Variants in TNFRSF13B observed in about 807,000 individuals in gnomAD.
TNFRSF13B encodes tumor necrosis factor receptor superfamily member 13B.
In TNFRSF13B, 34 loss-of-function variants were observed where a neutral mutation model predicts 24.0. The observed-to-expected ratio is 1.41, with a 90% confidence interval of 1.08 to 1.88. The LOEUF (loss-of-function observed/expected upper bound fraction) is 1.88. Among genes scored for constraint, TNFRSF13B ranks in the 40% most tolerant of loss-of-function variants. TNFRSF13B has a pLI of 0.00. For missense variants in TNFRSF13B, 415 were observed against 380.8 expected (o/e 1.09, Z -0.75); for synonymous variants, 173 against 150.3 (o/e 1.15, Z -1.10).
rs753867822 is a variant in TNFRSF13B at position 16,940,386 on chromosome 17, C to G, written c.571G>C (p.Asp191His). The G allele has an allele frequency of 2.7e-5, 43 of 1,613,864 alleles. No homozygotes were observed. The highest frequency in any genetic ancestry group is 3.4e-5 in the Non-Finnish European group (40 of 1,180,024). Reference protein sequence around the residue: ...AVACFLKKRGDPCSCQPRSRP... With the variant: ...AVACFLKKRGHPCSCQPRSRP... Reference sequence around the variant, plus strand: ...GAGCGGGGCTGGCAGGAGCAGGGATCCCCCCTCTTCTTGAGGAAGCAGGCC... The same window carrying G: ...GAGCGGGGCTGGCAGGAGCAGGGATGCCCCCTCTTCTTGAGGAAGCAGGCC... The change falls in exon 4 of 5, where the codon GAT becomes CAT. Residue 191 changes from aspartate (D) to histidine (H), a missense_variant. Physicochemically the swap from Asp to His is moderately conservative, Grantham distance 81. Transcript: ENST00000261652.
chr17:16,954,676 G>A (rs1343908482), intron 1 of TNFRSF13B, among the ~76,000 whole-genome samples: 2 of 152,210 alleles, frequency 1.3e-5, no homozygotes, highest in African/African-American at 2.4e-5. Flanking sequence ...TCCAGATTTG[G>A]AGGCACCACG....
At chr17:16,953,452 G>A (rs953393890) in intron 1 of TNFRSF13B, among the ~76,000 whole-genome samples, 2 of 152,196 alleles carry the variant, frequency 1.3e-5, no homozygotes, top group African/African-American at 2.4e-5. Context: ...TGGAGATGTA[G>A]GACATTTCCT....
intron 1 of TNFRSF13B, among the ~76,000 whole-genome samples, chr17:16,967,329 AAAAAC>A (rs1437242605): frequency 1.3e-5 from 2 of 152,060 alleles, no homozygotes; most frequent in Non-Finnish European, 2.9e-5. Flanking sequence ...AAACAAAAAT[AAAAAC>A]AAAACAAGGT....
At chr17:16,955,808 A>T (rs1167054994) in intron 1 of TNFRSF13B, among the ~76,000 whole-genome samples, 1 of 152,240 alleles carries the variant, frequency 6.6e-6, no homozygotes, top group African/African-American at 2.4e-5. Flanking sequence ...GGAACTGTGG[A>T]GTTGTCCAGG....
At chr17:16,970,341 C>G (rs1007433320) in intron 1 of TNFRSF13B, among the ~76,000 whole-genome samples, 7 of 152,062 alleles carry the variant, frequency 4.6e-5, no homozygotes, top group Admixed American at 2.0e-4. Context: ...TGGAGACTCT[C>G]TCCTGCACCC....
At chr17:16,945,868 A>T (rs1181792431) in intron 3 of TNFRSF13B, among the ~76,000 whole-genome samples, 1 of 151,874 alleles carries the variant, frequency 6.6e-6, no homozygotes, top group Non-Finnish European at 1.5e-5. Context: ...ATCCGCTGGC[A>T]CTGTGAATGG....
At chr17:16,949,726 C>T (rs1567652582) in intron 2 of TNFRSF13B, among the ~76,000 whole-genome samples, 1 of 151,228 alleles carries the variant, frequency 6.6e-6, no homozygotes, top group African/African-American at 2.4e-5. Context: ...GCTCCTGTCA[C>T]CCAGGCTGGA....
chr17:16,952,723 G>T, intron 1 of TNFRSF13B, 140 bp from the exon 2 acceptor site: 1 of 1,360,550 alleles, frequency 7.3e-7, no homozygotes, highest in Non-Finnish European at 1.0e-6. Flanking sequence ...GGCAGACAAA[G>T]TTGGCTTCTA....
chr17:16,954,310 A>G (rs1272497966), intron 1 of TNFRSF13B, among the ~76,000 whole-genome samples: 2 of 152,176 alleles, frequency 1.3e-5, no homozygotes, highest in Non-Finnish European at 2.9e-5. Context: ...CTTGAGCCTG[A>G]GAGTTCAAGG....
In TNFRSF13B at chr17:16,950,599, A is replaced by G. The variant is rs1373150409; in HGVS notation, c.200-1616T>C. On this transcript the variant is annotated intron_variant, in intron 2 of 4. Transcript: ENST00000261652. ...GCCCCTGAACCGCACAGAAACTGACACCTCCACTCTGCATCACACAGGGTT... is the reference window on the plus strand; with the variant it reads ...GCCCCTGAACCGCACAGAAACTGACGCCTCCACTCTGCATCACACAGGGTT... Among the ~76,000 whole-genome samples the G allele has an allele frequency of 3.3e-5, 5 of 151,850 alleles. No homozygotes were observed. The East Asian group carries it at 9.7e-4, about 29-fold the overall frequency.
intron 1 of TNFRSF13B, among the ~76,000 whole-genome samples, chr17:16,958,691 TTAAA>T (rs2087641405): frequency 6.6e-6 from 1 of 151,908 alleles, no homozygotes; most frequent in Non-Finnish European, 1.5e-5. Context: ...AAAGCAGACT[TTAAA>T]TCACAAAAAA....
At chr17:16,953,774 C>CTT (rs34292412) in intron 1 of TNFRSF13B, among the ~76,000 whole-genome samples, 2 of 150,622 alleles carry the variant, frequency 1.3e-5, no homozygotes, top group South Asian at 2.1e-4. Context: ...TATGTTTGTT[C>CTT]TTTTTTTTTT....
chr17:16,948,918 A>C lies in TNFRSF13B; in HGVS notation c.265T>G (p.Cys89Gly). The C allele has an allele frequency of 6.2e-7, 1 of 1,614,248 alleles. No homozygotes were observed. Among genetic ancestry groups the C allele is most frequent in the Non-Finnish European group, 8.5e-7 (1 of 1,180,038 alleles). The change falls in exon 3 of 5, where the codon TGT (cysteine) becomes GGT (glycine). Residue 89 changes from cysteine (C) to glycine (G), a missense_variant. Coordinates refer to ENST00000261652, the MANE Select transcript of TNFRSF13B (RefSeq NM_012452.3). The stretch of plus-strand genomic sequence containing the variant: ...GGGTGCTGTCCACAGATGGAGGCAC[A>C]GCTGATGCAGTCCCTCAGGAGATGG... ...YDHLLRDCIS[C>G]ASICGQHPKQ...
chr17:16,970,758 C>T (rs6502543), intron 1 of TNFRSF13B, among the ~76,000 whole-genome samples: 70,985 of 152,050 alleles, frequency 0.47, 16,830 homozygotes, highest in Non-Finnish European at 0.49. Context: ...TGACTCGTGG[C>T]CCCAGAGCAC....
rs572754181 is a variant in TNFRSF13B at position 16,971,785 on chromosome 17, C to T, written c.61+230G>A. Among the ~76,000 whole-genome samples, 6 of 152,284 alleles carry T rather than the reference C, an allele frequency of 3.9e-5. No individual in the cohort carries two copies. The South Asian group carries it at 8.3e-4, about 21-fold the overall frequency. On this transcript the variant is annotated intron_variant, in intron 1 of 4. Coordinates refer to ENST00000261652, the MANE Select transcript of TNFRSF13B (RefSeq NM_012452.3). ...ACAAAGGGAATTCCTGCCGGTGTGGCCAACCCTGCAACCTCAGTGGCTTCT... is the reference window on the plus strand; with the variant it reads ...ACAAAGGGAATTCCTGCCGGTGTGGTCAACCCTGCAACCTCAGTGGCTTCT...
intron 1 of TNFRSF13B, among the ~76,000 whole-genome samples, chr17:16,957,955 G>C (rs1480346240): frequency 6.6e-6 from 1 of 152,068 alleles, no homozygotes; most frequent in Admixed American, 6.5e-5. Flanking sequence ...AACTATAAAA[G>C]CCAGAATTAT....
intron 3 of TNFRSF13B, among the ~76,000 whole-genome samples, chr17:16,945,817 C>T (rs2087543760): frequency 6.6e-6 from 1 of 152,218 alleles, no homozygotes; most frequent in Non-Finnish European, 1.5e-5. Flanking sequence ...CCCCAGCTTG[C>T]TCCTTCCACC....
chr17:16,962,275 G>T (rs964491187), intron 1 of TNFRSF13B, among the ~76,000 whole-genome samples: 96 of 152,284 alleles, frequency 6.3e-4, no homozygotes, highest in African/African-American at 2.3e-3. Context: ...GGGAGACCAA[G>T]GCAGGTGGAT....
Position 16,952,477 on chromosome 17 carries a change from A to T in TNFRSF13B, c.168T>A (p.His56Gln). The change falls in exon 2 of 5, where the codon CAT becomes CAA. Residue 56 changes from histidine (H) to glutamine (Q), a missense_variant. By Grantham distance (24) the His-to-Gln change is conservative. Coordinates refer to ENST00000261652, the MANE Select transcript of TNFRSF13B (RefSeq NM_012452.3). ...AGGCTGCACAGGTGCGCTGGCTCTG[A>T]TGGTTGCAAATGGTTTTGCAGGACA... is the stretch of plus-strand genomic sequence containing the variant. ...TCMSCKTICN[H>Q]QSQRTCAAFC... is the part of the protein sequence containing the mutation. The T allele has an allele frequency of 6.2e-7, 1 of 1,614,142 alleles. No homozygotes were observed. Among genetic ancestry groups the T allele is most frequent in the Non-Finnish European group, 8.5e-7 (1 of 1,179,996 alleles).
Sources: gnomAD v4.1 joint callset for allele counts (sites outside exome capture counted in the v4.1 genomes callset) on GRCh38, gnomAD v4.1.1 for gene constraint, MANE v1.5 for transcripts, NCBI Gene and HGNC (gene_info 2026-07-23, HGNC 2026-07-21) for gene names.